FHIT: variants seen among roughly 807,000 people sequenced by gnomAD.
The protein encoded by FHIT is fragile histidine triad diadenosine triphosphatase, also known as bis(5'-adenosyl)-triphosphatase.
In FHIT, 19 loss-of-function variants were observed where a neutral mutation model predicts 17.9. The observed-to-expected ratio is 1.06, with a 90% CI of 0.74 to 1.56. FHIT has a LOEUF of 1.56. Ranked by LOEUF, FHIT falls within the 40% of genes most tolerant of loss-of-function variation. FHIT has a pLI of 0.00. For synonymous variants in FHIT, 81 were observed against 69.7 expected (o/e 1.16, Z -0.81); for missense variants, 248 against 189.2 (o/e 1.31, Z -1.82).
intron 4 of FHIT, among the ~76,000 whole-genome samples, chr3:60,655,008 A>C (rs531876313): frequency 6.6e-6 from 1 of 152,302 alleles, no homozygotes. Context: ...GGGAGGTATA[A>C]ATACAATTTA....
chr3:61,069,397 G>A (rs1257070286), intron 2 of FHIT, among the ~76,000 whole-genome samples: 1 of 152,168 alleles, frequency 6.6e-6, no homozygotes, highest in Non-Finnish European at 1.5e-5. Context: ...TGAAGCAATT[G>A]CTCTGGGGCA....
At chr3:60,402,601 A>G (rs778302039) in intron 5 of FHIT, among the ~76,000 whole-genome samples, 9 of 152,198 alleles carry the variant, frequency 5.9e-5, no homozygotes, top group Admixed American at 1.3e-4. Flanking sequence ...TACTGCAACA[A>G]CATGCACCAG....
At chr3:61,084,707 A>T (rs2035251687) in intron 2 of FHIT, among the ~76,000 whole-genome samples, 1 of 152,166 alleles carries the variant, frequency 6.6e-6, no homozygotes, top group Non-Finnish European at 1.5e-5. Flanking sequence ...ATCTATTTAG[A>T]TGTACAGTTT....
rs777323947 is a variant in FHIT at position 60,536,881 on chromosome 3, T to G, written c.82A>C (p.Arg28=). Residue 28 remains arginine (R), a synonymous_variant, in exon 5 of 10, where the codon AGG becomes CGG. Transcript: ENST00000492590. ...KTELSFALVN[R]KPVVPGHVLV... ...ATACGTCCTGGTACCACAGGTTTCC[T>G]ATTCACAAGAGCGAAGGACAGTTCT... 6.2e-7 allele frequency: 1 copy of G among 1,609,424 alleles called. No homozygotes were observed. The highest frequency in any genetic ancestry group is 1.1e-5 in the South Asian group (1 of 89,790).
chr3:60,261,672 T>C (rs1325913790), intron 5 of FHIT, among the ~76,000 whole-genome samples: 2 of 152,164 alleles, frequency 1.3e-5, no homozygotes, highest in East Asian at 3.9e-4. Flanking sequence ...CGTGCCTTCC[T>C]GACCAATAGG....
At chr3:60,792,999 T>C (rs1700839324) in intron 4 of FHIT, among the ~76,000 whole-genome samples, 1 of 152,104 alleles carries the variant, frequency 6.6e-6, no homozygotes, top group African/African-American at 2.4e-5. Context: ...GCAGGTATCC[T>C]TTTACTGAAA....
At chr3:61,202,352 G>C (rs1023968227) in intron 1 of FHIT, among the ~76,000 whole-genome samples, 2 of 151,762 alleles carry the variant, frequency 1.3e-5, no homozygotes, top group Non-Finnish European at 2.9e-5. Flanking sequence ...TGGGAAGTGA[G>C]GAGTGCCTCT....
chr3:60,007,696 G>A (rs975229712), intron 7 of FHIT, among the ~76,000 whole-genome samples: 7 of 152,174 alleles, frequency 4.6e-5, no homozygotes, highest in Non-Finnish European at 8.8e-5. Flanking sequence ...AGACAACTGT[G>A]TATTTTTACG....
chr3:60,533,960 A>G (rs1402794460), intron 5 of FHIT, among the ~76,000 whole-genome samples: 1 of 152,168 alleles, frequency 6.6e-6, no homozygotes, highest in Non-Finnish European at 1.5e-5. Context: ...AACCACACCT[A>G]AGGGCTAGAC....
At chr3:60,472,052 T>C (rs895395416) in intron 5 of FHIT, among the ~76,000 whole-genome samples, 3 of 152,088 alleles carry the variant, frequency 2.0e-5, no homozygotes, top group African/African-American at 7.2e-5. Flanking sequence ...TTGGGTACAA[T>C]GTTCACTATT....
intron 5 of FHIT, among the ~76,000 whole-genome samples, chr3:60,451,554 T>C (rs1449073377): frequency 1.3e-5 from 2 of 152,158 alleles, no homozygotes; most frequent in African/African-American, 2.4e-5. Flanking sequence ...GTTGTATGAA[T>C]GCAAAATCTC....
intron 4 of FHIT, among the ~76,000 whole-genome samples, chr3:60,740,929 T>A (rs1236975425): frequency 6.6e-6 from 1 of 152,192 alleles, no homozygotes; most frequent in Non-Finnish European, 1.5e-5. Context: ...TTTTGTTTTG[T>A]TTTTTGTTTT....
chr3:60,704,266 C>A (rs974259744), intron 4 of FHIT, among the ~76,000 whole-genome samples: 5 of 152,260 alleles, frequency 3.3e-5, no homozygotes, highest in African/African-American at 1.2e-4. Context: ...ATTTACTACT[C>A]CCCTAAAGTC....
intron 8 of FHIT, among the ~76,000 whole-genome samples, chr3:59,876,805 G>A (rs1703183284): frequency 6.6e-6 from 1 of 152,178 alleles, no homozygotes; most frequent in South Asian, 2.1e-4. Context: ...AATTTTGAGA[G>A]GAAGCTACCC....
intron 5 of FHIT, among the ~76,000 whole-genome samples, chr3:60,100,228 T>C (rs1242423350): frequency 6.6e-6 from 1 of 151,944 alleles, no homozygotes; most frequent in East Asian, 1.9e-4. Flanking sequence ...CTACTAAAAA[T>C]AAAAAATTAG....
intron 5 of FHIT, among the ~76,000 whole-genome samples, chr3:60,060,738 T>C (rs1398261435): frequency 1.3e-5 from 2 of 152,208 alleles, no homozygotes; most frequent in Non-Finnish European, 2.9e-5. Flanking sequence ...CCCAGTGTGA[T>C]ACCAAAATCA....
intron 5 of FHIT, among the ~76,000 whole-genome samples, chr3:60,279,361 G>C (rs780288622): frequency 5.3e-5 from 8 of 151,902 alleles, no homozygotes; most frequent in Non-Finnish European, 8.8e-5. Flanking sequence ...ATCTGAATAG[G>C]TCTATTCAGG....
chr3:61,152,463 A>G (rs965175546), intron 2 of FHIT, among the ~76,000 whole-genome samples: 2 of 152,252 alleles, frequency 1.3e-5, no homozygotes, highest in African/African-American at 4.8e-5. Flanking sequence ...TCCTTGTACA[A>G]TTAACTTAAA....
chr3:61,007,216 A>G (rs2107615802), intron 3 of FHIT, among the ~76,000 whole-genome samples: 2 of 152,316 alleles, frequency 1.3e-5, no homozygotes, highest in South Asian at 4.1e-4. Context: ...GTGCACTGAC[A>G]TTTGCAATAA....
Sources: gnomAD v4.1 joint callset for allele counts (sites outside exome capture counted in the v4.1 genomes callset) on GRCh38, gnomAD v4.1.1 for gene constraint, MANE v1.5 for transcripts, NCBI Gene and HGNC (gene_info 2026-07-23, HGNC 2026-07-21) for gene names.